ICA1: variants seen among roughly 807,000 people sequenced by gnomAD.
ICA1 encodes islet cell autoantigen 1, also known as 69 kDa islet cell autoantigen.
In ICA1, 40 loss-of-function variants were observed where a neutral mutation model predicts 71.0. The observed-to-expected ratio is 0.56, with a 90% CI of 0.44 to 0.73. The LOEUF (loss-of-function observed/expected upper bound fraction) is 0.73, where lower values mean the gene tolerates loss of function less well. Ranked by LOEUF, ICA1 falls within the 30% of genes least tolerant of loss-of-function variation. ICA1 has a pLI of 0.00. For synonymous variants in ICA1, 207 were observed against 209.5 expected, an observed-to-expected ratio of 0.99 and a Z score of 0.10; for missense variants, 578 against 576.5, an observed-to-expected ratio of 1.00 and a Z score of -0.03.
chr7:8,231,110 C>T (rs1332378509), intron 3 of ICA1, among the ~76,000 whole-genome samples: 2 of 152,062 alleles, frequency 1.3e-5, no homozygotes, highest in Non-Finnish European at 1.5e-5. Flanking sequence ...GGTGGACAGG[C>T]AGTGACTCGA....
intron 6 of ICA1, among the ~76,000 whole-genome samples, chr7:8,196,865 T>C (rs934638990): frequency 6.6e-6 from 1 of 152,054 alleles, no homozygotes; most frequent in African/African-American, 2.4e-5. Context: ...AGTGAATATA[T>C]CTCACGAGAT....
intron 6 of ICA1, among the ~76,000 whole-genome samples, chr7:8,193,218 C>A (rs1257197816): frequency 6.6e-6 from 1 of 152,180 alleles, no homozygotes; most frequent in Non-Finnish European, 1.5e-5. Context: ...ATAATCCATG[C>A]ACAGCTACAT....
intron 6 of ICA1, among the ~76,000 whole-genome samples, chr7:8,164,092 G>T (rs1243547523): frequency 6.6e-6 from 1 of 151,960 alleles, no homozygotes; most frequent in Non-Finnish European, 1.5e-5. Flanking sequence ...ATCACCCGAG[G>T]TCAGGAGTTT....
At chr7:8,169,243 T>C (rs1807358523) in intron 6 of ICA1, among the ~76,000 whole-genome samples, 1 of 152,192 alleles carries the variant, frequency 6.6e-6, no homozygotes, top group African/African-American at 2.4e-5. Context: ...ATGAATATAC[T>C]GTTACTTGTA....
intron 3 of ICA1, 25 bp from the exon 4 acceptor site, chr7:8,228,698 G>A: frequency 6.6e-7 from 1 of 1,513,226 alleles, no homozygotes; most frequent in Admixed American, 1.8e-5. Context: ...CAAACAAAAT[G>A]CAAAATAAAA....
chr7:8,224,947 A>T (rs373079815), intron 4 of ICA1, among the ~76,000 whole-genome samples: 40 of 152,366 alleles, frequency 2.6e-4, no homozygotes, highest in African/African-American at 9.4e-4. Context: ...AGTGCACAGC[A>T]TCAGAGGTTA....
intron 6 of ICA1, among the ~76,000 whole-genome samples, chr7:8,212,308 T>C (rs954224395): frequency 1.3e-5 from 2 of 152,216 alleles, no homozygotes; most frequent in Non-Finnish European, 2.9e-5. Flanking sequence ...CTCACACCTG[T>C]ACTCCCAGCA....
chr7:8,225,477 G>A (rs1160019213), intron 4 of ICA1, among the ~76,000 whole-genome samples: 1 of 152,108 alleles, frequency 6.6e-6, no homozygotes, highest in African/African-American at 2.4e-5. Flanking sequence ...GGTGCATCTT[G>A]AATTTTCCCT....
intron 6 of ICA1, among the ~76,000 whole-genome samples, chr7:8,214,799 A>G (rs754160991): frequency 6.6e-6 from 1 of 152,200 alleles, no homozygotes; most frequent in Non-Finnish European, 1.5e-5. Context: ...ACTGTGTGCT[A>G]TTTAAAAGGT....
chr7:8,201,408 G>T lies in ICA1; in HGVS notation c.579+16897C>A, dbSNP rs574129174. On this transcript the variant is annotated intron_variant, in intron 6 of 13. Coordinates refer to ENST00000402384, the MANE Select transcript of ICA1 (RefSeq NM_001136020.3). ...CAAGAGAAAGGAAGGGACAAATCCT[G>T]CCCACCCGTTTCTGGGCTGGGGCCT... Among the ~76,000 whole-genome samples, 11 of 152,302 alleles carry T rather than the reference G, an allele frequency of 7.2e-5. No individual in the cohort carries two copies. The South Asian group carries it at 1.4e-3, about 20-fold the overall frequency.
chr7:8,184,434 T>A (rs1182692634), intron 6 of ICA1, among the ~76,000 whole-genome samples: 1 of 152,218 alleles, frequency 6.6e-6, no homozygotes, highest in Non-Finnish European at 1.5e-5. Context: ...TACTTTGAAA[T>A]AACAGCTGAA....
At chr7:8,206,552 T>A (rs955319440) in intron 6 of ICA1, among the ~76,000 whole-genome samples, 1 of 152,156 alleles carries the variant, frequency 6.6e-6, no homozygotes, top group Non-Finnish European at 1.5e-5. Context: ...TAATACAAAT[T>A]ATTTTAATGG....
intron 1 of ICA1, among the ~76,000 whole-genome samples, chr7:8,254,596 C>T (rs1809390346): frequency 6.6e-6 from 1 of 150,706 alleles, no homozygotes; most frequent in Non-Finnish European, 1.5e-5. Flanking sequence ...AAGCCCAGAG[C>T]TTATAAAGCA....
chr7:8,119,283 A>T (rs1024141705), intron 13 of ICA1, among the ~76,000 whole-genome samples: 1 of 152,118 alleles, frequency 6.6e-6, no homozygotes, highest in Non-Finnish European at 1.5e-5. Flanking sequence ...CCCCTCCCTG[A>T]TCTCTGTATG....
chr7:8,146,399 C>T (rs544904367), intron 8 of ICA1, among the ~76,000 whole-genome samples: 2 of 152,204 alleles, frequency 1.3e-5, no homozygotes, highest in East Asian at 1.9e-4. Context: ...CTGGAGCTGC[C>T]GTATAGTTGG....
intron 6 of ICA1, among the ~76,000 whole-genome samples, chr7:8,169,307 T>C (rs1415941172): frequency 6.6e-6 from 1 of 152,154 alleles, no homozygotes; most frequent in Non-Finnish European, 1.5e-5. Context: ...TGATTTTGAG[T>C]AAAGCTGTTA....
chr7:8,136,867 C>G (rs927188185), intron 12 of ICA1, among the ~76,000 whole-genome samples: 7 of 152,116 alleles, frequency 4.6e-5, no homozygotes, highest in Admixed American at 3.3e-4. Flanking sequence ...TTTAAATAAG[C>G]AGACAAGTGT....
At chr7:8,225,205 G>A (rs984162326) in intron 4 of ICA1, among the ~76,000 whole-genome samples, 15 of 152,226 alleles carry the variant, frequency 9.9e-5, no homozygotes, top group Admixed American at 3.9e-4. Context: ...GCCTAATGGT[G>A]ATTTTGTAGT....
rs1790939192 is a variant in ICA1 at position 8,130,237 on chromosome 7, T to C, written c.1061-2095A>G. Reference sequence around the variant, plus strand: ...CCAGTAATGGGATGGCTGGGTCGAATGGTATTTCGACAGTGTGATATTAAC... The same window carrying C: ...CCAGTAATGGGATGGCTGGGTCGAACGGTATTTCGACAGTGTGATATTAAC... On this transcript the variant is annotated intron_variant, in intron 12 of 13. Transcript: ENST00000402384. The surrounding 1 kb of genome is among the most constrained non-coding windows in gnomAD (Gnocchi z 4.2). Among the ~76,000 whole-genome samples the C allele has an allele frequency of 6.6e-6, 1 of 152,208 alleles. No individual in the cohort carries two copies. The highest frequency in any genetic ancestry group is 6.5e-5 in the Admixed American group (1 of 15,284).
Sources: allele counts gnomAD v4.1 joint callset (sites outside exome capture counted in the v4.1 genomes callset), GRCh38; gene constraint gnomAD v4.1.1; non-coding constraint Gnocchi (gnomAD v3.1); transcripts MANE v1.5; gene names NCBI Gene and HGNC (gene_info 2026-07-23, HGNC 2026-07-21).